Variants in FREM3 observed in about 807,000 individuals in gnomAD.
The protein encoded by FREM3 is FRAS1-related extracellular matrix protein 3.
Under a neutral mutation model 129.1 loss-of-function variants are expected in FREM3, and 105 were observed. The ratio of observed to expected loss-of-function variants is 0.81; its 90% confidence interval spans 0.69 to 0.96. The LOEUF is 0.96. Among genes scored for constraint, FREM3 ranks in the 40% least tolerant of loss-of-function variants. The pLI is 0.00. For missense variants in FREM3, 2,593 were observed against 2,666.3 expected (o/e 0.97, Z 0.61); for synonymous variants, 1,014 against 1,044.9 (o/e 0.97, Z 0.57).
intron 7 of FREM3, among the ~76,000 whole-genome samples, chr4:143,579,637 T>A (rs550896428): frequency 2.0e-5 from 3 of 152,316 alleles, no homozygotes; most frequent in Non-Finnish European, 4.4e-5. Context: ...GATAGCTACC[T>A]TATAAGGTTT....
chr4:143,692,492 C>A (rs1740490265), intron 2 of FREM3, among the ~76,000 whole-genome samples: 1 of 152,106 alleles, frequency 6.6e-6, no homozygotes, highest in African/African-American at 2.4e-5. Context: ...AATGATTTTT[C>A]TTCTGACCAC....
chr4:143,636,708 T>A (rs1739238675), intron 2 of FREM3, among the ~76,000 whole-genome samples: 1 of 151,546 alleles, frequency 6.6e-6, no homozygotes, highest in African/African-American at 2.4e-5. Flanking sequence ...TCTAATATAA[T>A]CTCCTCTTTT....
Position 143,700,556 on chromosome 4 carries a change from G to T in FREM3, c.120C>A (p.Pro40=). The change falls in exon 1 of 8, where the codon CCC becomes CCA. Residue 40 remains proline, a synonymous_variant. Coordinates refer to ENST00000329798, the MANE Select transcript of FREM3 (RefSeq NM_001168235.2). ...GGGCGGGCAGGTAAAGCGCCGGGTC[G>T]GGCTCGGTCCCAAGTGAGGATGCCC... is the stretch of plus-strand genomic sequence containing the variant. ...QGRASSLGTE[P]DPALYLPARG... 6.6e-7 allele frequency: 1 copy of T among 1,517,104 alleles called. No homozygotes were observed. The highest frequency in any genetic ancestry group is 1.8e-4 in the Middle Eastern group (1 of 5,652). 94.0% of individuals were successfully genotyped at this position (1,517,104 alleles called of 1,614,324 possible). A position where few individuals can be genotyped will look rare whatever the true frequency, so the allele number is the denominator to read the frequency against.
intron 1 of FREM3, 69 bp downstream of exon 1, chr4:143,695,422 A>T: frequency 7.6e-7 from 1 of 1,320,726 alleles, no homozygotes; most frequent in Non-Finnish European, 1.0e-6. Context: ...GGACAATTTT[A>T]CACAAAGCTG....
chr4:143,685,847 A>T (rs1404651875), intron 2 of FREM3, among the ~76,000 whole-genome samples: 1 of 151,016 alleles, frequency 6.6e-6, no homozygotes, highest in Non-Finnish European at 1.5e-5. Flanking sequence ...GGCACATCAC[A>T]CAACAGGGCC....
In FREM3 at chr4:143,700,117, C is replaced by T. The variant is rs1043569736; in HGVS notation, c.559G>A (p.Ala187Thr). 1 of 1,537,006 alleles carries T rather than the reference C, an allele frequency of 6.5e-7. No homozygotes were observed. Among genetic ancestry groups the T allele is most frequent in the South Asian group, 1.2e-5 (1 of 84,058 alleles). ...VVEKLRSWSR[A>T]IDRRVLDFAS... ...AAGTCCAGCACTCTCCTGTCTATGGCGCGGCTCCAGCTTCGCAGCTTCTCC... is the reference window on the plus strand; with the variant it reads ...AAGTCCAGCACTCTCCTGTCTATGGTGCGGCTCCAGCTTCGCAGCTTCTCC... Residue 187 changes from alanine (A) to threonine (T), a missense_variant, in exon 1 of 8, where the codon GCC (alanine) becomes ACC (threonine). Physicochemically the swap from Ala to Thr is moderately conservative, Grantham distance 58. Around this residue, in one of 2 missense-constraint regions of FREM3, gnomAD observed 2,276 missense variants for 2,267.2 expected, o/e 1.00. Transcript: ENST00000329798.
Sources: allele counts gnomAD v4.1 joint callset (sites outside exome capture counted in the v4.1 genomes callset), GRCh38; gene constraint gnomAD v4.1.1; regional missense constraint gnomAD v4.1.1; transcripts MANE v1.5; gene names NCBI Gene and HGNC (gene_info 2026-07-23, HGNC 2026-07-21).